RERG: variants seen among roughly 807,000 people sequenced by gnomAD.
The protein encoded by RERG is ras-related and estrogen-regulated growth inhibitor.
Under a neutral mutation model 23.2 loss-of-function variants are expected in RERG, and 25 were observed. The ratio of observed to expected loss-of-function variants is 1.08; its 90% CI spans 0.79 to 1.50. RERG has a LOEUF of 1.50. RERG is among the 40% of genes most tolerant of loss of function. The probability of loss-of-function intolerance (pLI) is 0.00; values close to 1 mark genes in which losing one functional copy is unlikely to be tolerated. For missense variants in RERG, 253 were observed against 250.1 expected, an observed-to-expected ratio of 1.01 and a Z score of -0.08; for synonymous variants, 81 against 89.1, an observed-to-expected ratio of 0.91 and a Z score of 0.51.
At chr12:15,204,184 G>A (rs969464481) in intron 2 of RERG, among the ~76,000 whole-genome samples, 2 of 151,746 alleles carry the variant, frequency 1.3e-5, no homozygotes, top group Admixed American at 6.6e-5. Context: ...CAATGCTATA[G>A]TAATCAAAAC....
chr12:15,200,292 GA>G (rs925576150), intron 2 of RERG, among the ~76,000 whole-genome samples: 1 of 151,906 alleles, frequency 6.6e-6, no homozygotes, highest in Non-Finnish European at 1.5e-5. Context: ...TAATGAACCT[GA>G]AAAAATGACC....
chr12:15,136,309 G>C (rs1864143867), intron 2 of RERG, among the ~76,000 whole-genome samples: 1 of 151,672 alleles, frequency 6.6e-6, no homozygotes, highest in Admixed American at 6.6e-5. Flanking sequence ...CTGGCTAAAG[G>C]CTTGTCAATT....
intron 2 of RERG, among the ~76,000 whole-genome samples, chr12:15,185,711 G>A (rs1469516291): frequency 6.6e-6 from 1 of 152,058 alleles, no homozygotes; most frequent in East Asian, 1.9e-4. Flanking sequence ...GGGTGAGGGT[G>A]AGGGTCAAAA....
intron 2 of RERG, among the ~76,000 whole-genome samples, chr12:15,213,205 T>A (rs879460464): frequency 1.3e-5 from 2 of 152,224 alleles, no homozygotes; most frequent in Non-Finnish European, 2.9e-5. Context: ...AAATTTACAA[T>A]TTCAGTTGTT....
At chr12:15,166,508 GT>G in intron 2 of RERG, among the ~76,000 whole-genome samples, 1 of 147,482 alleles carries the variant, frequency 6.8e-6, no homozygotes, top group Middle Eastern at 3.4e-3. Context: ...GATGGGGATG[GT>G]GGTGATGGTG....
At chr12:15,137,286 T>C (rs997481673) in intron 2 of RERG, among the ~76,000 whole-genome samples, 2 of 151,676 alleles carry the variant, frequency 1.3e-5, no homozygotes, top group Non-Finnish European at 2.9e-5. Flanking sequence ...TTAATCTATA[T>C]GTGTCTTTAT....
chr12:15,217,319 T>G (rs911578414), intron 2 of RERG, 110 bp downstream of exon 2: 1 of 736,104 alleles, frequency 1.4e-6, no homozygotes, highest in African/African-American at 1.8e-5. Context: ...GAGTAAGAAA[T>G]GAAAATAGGA....
At chr12:15,154,143 G>C (rs899006761) in intron 2 of RERG, 6 of 152,236 alleles carry the variant, frequency 3.9e-5, no homozygotes, top group African/African-American at 1.4e-4. Flanking sequence ...AATTTCTGTT[G>C]TTTAAGCCCC....
At chr12:15,216,586 C>A (rs575081581) in intron 2 of RERG, among the ~76,000 whole-genome samples, 2 of 152,284 alleles carry the variant, frequency 1.3e-5, no homozygotes, top group South Asian at 4.1e-4. Context: ...CTGTTTGAGT[C>A]CTTTCCTGAG....
intron 2 of RERG, among the ~76,000 whole-genome samples, chr12:15,202,355 T>C (rs1476860634): frequency 2.0e-5 from 3 of 151,780 alleles, no homozygotes; most frequent in Non-Finnish European, 4.4e-5. Flanking sequence ...CAACACCATA[T>C]TGTTAATTAA....
intron 2 of RERG, among the ~76,000 whole-genome samples, chr12:15,138,852 A>T (rs1212496780): frequency 4.6e-5 from 7 of 151,472 alleles, no homozygotes; most frequent in Non-Finnish European, 8.9e-5. Flanking sequence ...ATTTTCATGG[A>T]TCTTTCATTT....
chr12:15,172,772 T>C (rs1356819822), intron 2 of RERG, among the ~76,000 whole-genome samples: 1 of 152,092 alleles, frequency 6.6e-6, no homozygotes. Flanking sequence ...ATTCATTGTA[T>C]ATCTTCTGTG....
intron 2 of RERG, among the ~76,000 whole-genome samples, chr12:15,135,398 C>CT (rs35671458): frequency 0.56 from 84,996 of 151,860 alleles, 25,125 homozygotes; most frequent in Admixed American, 0.7. Flanking sequence ...TTGTATTTTC[C>CT]TTTTTTGTCT....
rs12300674 is a variant in RERG, at chr12:15,117,770, G to T, written c.118+3293C>A. On this transcript the variant is annotated intron_variant, in intron 3 of 4. Transcript: ENST00000256953. The stretch of plus-strand genomic sequence containing the variant: ...CTCTGTGGTGACCAGCATTCTTAGA[G>T]GGTAATATGACTCTTGGAGATAGGG... Among the ~76,000 whole-genome samples, 5 of 151,854 alleles carry T rather than the reference G, an allele frequency of 3.3e-5. No homozygotes were observed. The South Asian group carries it at 8.3e-4, about 25-fold the overall frequency.
At chr12:15,120,075 G>C (rs1863803666) in intron 3 of RERG, among the ~76,000 whole-genome samples, 1 of 152,082 alleles carries the variant, frequency 6.6e-6, no homozygotes, top group Non-Finnish European at 1.5e-5. Context: ...AGTGGAGAAA[G>C]GTAGAGAGTA....
chr12:15,184,781 G>C (rs1299935721), intron 2 of RERG, among the ~76,000 whole-genome samples: 3 of 152,132 alleles, frequency 2.0e-5, no homozygotes, highest in Non-Finnish European at 2.9e-5. Context: ...ATTTTAAGAA[G>C]GTCAGCCTTC....
At chr12:15,126,724 C>CTTTCTTTT (rs775839556) in intron 2 of RERG, among the ~76,000 whole-genome samples, 1 of 132,462 alleles carries the variant, frequency 7.5e-6, no homozygotes, top group African/African-American at 2.8e-5. Context: ...CTTTTTCTTT[C>CTTTCTTTT]TTTTTTTTTT....
chr12:15,154,720 T>G (rs1864496515), intron 2 of RERG, among the ~76,000 whole-genome samples: 2 of 152,216 alleles, frequency 1.3e-5, no homozygotes, highest in South Asian at 4.1e-4. Flanking sequence ...TTGAAATTTG[T>G]CTCAATCTCA....
At chr12:15,171,552 G>A (rs139081407) in intron 2 of RERG, among the ~76,000 whole-genome samples, 2 of 152,238 alleles carry the variant, frequency 1.3e-5, no homozygotes, top group African/African-American at 2.4e-5. Context: ...ATCAAAGCAT[G>A]CTTAGTATGA....
Sources: gnomAD v4.1 joint callset for allele counts (sites outside exome capture counted in the v4.1 genomes callset) on GRCh38, gnomAD v4.1.1 for gene constraint, MANE v1.5 for transcripts, NCBI Gene and HGNC (gene_info 2026-07-23, HGNC 2026-07-21) for gene names.